Variants in DLGAP2 observed in about 807,000 individuals in gnomAD.
DLGAP2 encodes the protein disks large-associated protein 2.
DLGAP2 carries 26 observed loss-of-function variants against 100.3 expected under a neutral mutation model. The ratio of observed to expected loss-of-function variants is 0.26; its 90% confidence interval spans 0.19 to 0.36. The LOEUF is 0.36. Ranked by LOEUF, DLGAP2 falls within the 10% of genes least tolerant of loss-of-function variation. The probability of loss-of-function intolerance (pLI) is 1.00; values close to 1 mark genes in which losing one functional copy is unlikely to be tolerated. For missense variants in DLGAP2, 1,858 were observed against 1,453.2 expected (o/e 1.28, Z -4.53); for synonymous variants, 886 against 630.1 (o/e 1.41, Z -6.08).
At chr8:1,353,500 T>G (rs1801782058) in intron 3 of DLGAP2, among the ~76,000 whole-genome samples, 1 of 152,214 alleles carries the variant, frequency 6.6e-6, no homozygotes, top group Non-Finnish European at 1.5e-5. Flanking sequence ...CTAAGTGTTC[T>G]GAGCACGTTT....
At position 1,701,608 on chromosome 8, in the gene DLGAP2, T is replaced by C. The variant is rs1285377088; in HGVS notation, c.*202T>C. 4 of 608,078 alleles carry C rather than the reference T, an allele frequency of 6.6e-6. No individual in the cohort carries two copies. The highest frequency in any genetic ancestry group is 1.1e-5 in the Non-Finnish European group (4 of 354,874). The allele number at this position is 608,078 out of a possible 1,614,324, so 37.7% of individuals were successfully genotyped here. ...CGGCGAGGACGACTTCTGCTTTTGT[T>C]GTTGTTGTTGTTGTTCACGGGTGGC... is the stretch of plus-strand genomic sequence containing the variant. On this transcript the variant is annotated 3_prime_UTR_variant, in exon 15 of 15. Coordinates refer to ENST00000637795, the MANE Select transcript of DLGAP2 (RefSeq NM_001346810.2).
intron 2 of DLGAP2, among the ~76,000 whole-genome samples, chr8:1,176,500 A>G (rs1244231459): frequency 2.6e-5 from 4 of 152,176 alleles, no homozygotes; most frequent in African/African-American, 7.2e-5. Context: ...GCCAGAAGGA[A>G]CTACACTTGG....
intron 6 of DLGAP2, among the ~76,000 whole-genome samples, chr8:1,606,614 C>T (rs1296094490): frequency 1.3e-5 from 2 of 152,172 alleles, no homozygotes; most frequent in African/African-American, 4.8e-5. Flanking sequence ...TTTATTTACC[C>T]ATCCATCATG....
intron 4 of DLGAP2, among the ~76,000 whole-genome samples, chr8:1,507,736 C>G (rs947578086): frequency 2.0e-5 from 3 of 147,466 alleles, no homozygotes; most frequent in Non-Finnish European, 2.9e-5. Context: ...CCCAGGCATT[C>G]GTTCACCCAG....
chr8:979,688 A>G (rs922267513), intron 2 of DLGAP2, among the ~76,000 whole-genome samples: 2 of 152,256 alleles, frequency 1.3e-5, no homozygotes, highest in Non-Finnish European at 2.9e-5. Flanking sequence ...CTAGGTGTGA[A>G]GCATGGCTAT....
intron 2 of DLGAP2, among the ~76,000 whole-genome samples, chr8:1,029,172 A>C (rs1163105598): frequency 6.6e-6 from 1 of 152,158 alleles, no homozygotes; most frequent in Non-Finnish European, 1.5e-5. Context: ...TGAGTCTAGC[A>C]GGCAGCGGGA....
Position 1,549,312 on chromosome 8 carries a change from G to C in DLGAP2, c.859G>C (p.Gly287Arg). 1 of 1,612,848 alleles carries C rather than the reference G, an allele frequency of 6.2e-7. No individual in the cohort carries two copies. Among genetic ancestry groups the C allele is most frequent in the Non-Finnish European group, 8.5e-7 (1 of 1,179,668 alleles). Residue 287 changes from glycine (G) to arginine (R), a missense_variant, in exon 5 of 15, where the codon GGC becomes CGC. Transcript: ENST00000637795. ...CAAGAGCAAGGAGCGCAAGCCGGAG[G>C]GCAAGCCCCGGCCCGGCATGAGCAG... ...RSKSKERKPEGKPRPGMSSWW... is the reference protein window; with the variant it reads ...RSKSKERKPERKPRPGMSSWW...
chr8:1,162,234 A>G (rs991585180), intron 2 of DLGAP2, among the ~76,000 whole-genome samples: 13 of 152,174 alleles, frequency 8.5e-5, no homozygotes, highest in African/African-American at 2.7e-4. Context: ...GAGTGTCGTT[A>G]TTCATTTATT....
At chr8:1,345,601 A>T (rs1167539820) in intron 3 of DLGAP2, among the ~76,000 whole-genome samples, 1 of 152,218 alleles carries the variant, frequency 6.6e-6, no homozygotes, top group Non-Finnish European at 1.5e-5. Flanking sequence ...TGGTTGTCAT[A>T]GTCCTTCATG....
At chr8:784,502 T>C (rs1194204522) in intron 1 of DLGAP2, among the ~76,000 whole-genome samples, 3 of 152,270 alleles carry the variant, frequency 2.0e-5, no homozygotes, top group African/African-American at 7.2e-5. Flanking sequence ...CATTTAATAC[T>C]AACGTGTTCA....
Position 1,164,979 on chromosome 8 carries a change from A to G in DLGAP2, c.74-93872A>G, listed in dbSNP as rs76576574. Among the ~76,000 whole-genome samples, 832 of 152,084 alleles carry G rather than the reference A, an allele frequency of 5.5e-3. 10 individuals are homozygous for G. The highest frequency in any genetic ancestry group is 0.019 in the African/African-American group (803 of 41,470). Reference sequence around the variant, plus strand: ...GAAACCCAAATTATCTTCCCATTAGAGAGTCTGGGAGTTGGAGACTGTTAT... The same window carrying G: ...GAAACCCAAATTATCTTCCCATTAGGGAGTCTGGGAGTTGGAGACTGTTAT... On this transcript the variant is annotated intron_variant, in intron 2 of 14. Transcript: ENST00000637795.
chr8:948,614 G>A (rs1188253937), intron 2 of DLGAP2, among the ~76,000 whole-genome samples: 1 of 152,268 alleles, frequency 6.6e-6, no homozygotes, highest in Admixed American at 6.5e-5. Flanking sequence ...TCAAGGCGCC[G>A]TGGAAGGCGA....
At chr8:1,168,566 C>A (rs74870415) in intron 2 of DLGAP2, among the ~76,000 whole-genome samples, 14 of 143,964 alleles carry the variant, frequency 9.7e-5, no homozygotes, top group Non-Finnish European at 1.5e-4. Context: ...TTTTAATGAT[C>A]GCCATTCTAA....
chr8:997,609 C>G (rs1259585536), intron 2 of DLGAP2, among the ~76,000 whole-genome samples: 2 of 152,116 alleles, frequency 1.3e-5, no homozygotes, highest in Non-Finnish European at 2.9e-5. Context: ...TTTAATAAAA[C>G]TAATAAATTG....
At chr8:1,211,005 G>A (rs1023171214) in intron 2 of DLGAP2, among the ~76,000 whole-genome samples, 2 of 152,216 alleles carry the variant, frequency 1.3e-5, no homozygotes, top group Admixed American at 1.3e-4. Flanking sequence ...GTCTTTAAAG[G>A]ACAGACAGCC....
At chr8:893,217 C>T (rs537984056) in intron 1 of DLGAP2, 1 of 152,194 alleles carries the variant, frequency 6.6e-6, no homozygotes. Context: ...GAGTGGCATG[C>T]GATGTGGGGT....
At chr8:1,314,666 C>T (rs780440932) in intron 3 of DLGAP2, among the ~76,000 whole-genome samples, 14 of 152,294 alleles carry the variant, frequency 9.2e-5, no homozygotes, top group African/African-American at 2.4e-4. Flanking sequence ...AGGGTCTGTC[C>T]GCCTGGGGCT....
intron 1 of DLGAP2, among the ~76,000 whole-genome samples, chr8:843,359 G>T (rs1225251554): frequency 6.6e-6 from 1 of 152,234 alleles, no homozygotes; most frequent in Non-Finnish European, 1.5e-5. Context: ...TTTCCTGGAA[G>T]GGCGGTGTGG....
chr8:1,458,141 C>T (rs1166329365), intron 3 of DLGAP2, among the ~76,000 whole-genome samples: 2 of 151,106 alleles, frequency 1.3e-5, no homozygotes, highest in Admixed American at 6.6e-5. Context: ...CTCCTGACCT[C>T]GTGATCCACC....
Sources: gnomAD v4.1 joint callset for allele counts (sites outside exome capture counted in the v4.1 genomes callset) on GRCh38, gnomAD v4.1.1 for gene constraint, MANE v1.5 for transcripts, NCBI Gene and HGNC (gene_info 2026-07-23, HGNC 2026-07-21) for gene names.